The following MAML3 variants were observed in gnomAD, a reference collection of about 807,000 sequenced individuals.
The protein encoded by MAML3 is mastermind-like protein 3.
Under a neutral mutation model 101.9 loss-of-function variants are expected in MAML3, and 27 were observed. That is an observed-to-expected ratio of 0.27 (90% CI 0.20 to 0.37). The LOEUF (loss-of-function observed/expected upper bound fraction) is 0.37. Among genes scored for constraint, MAML3 ranks in the 10% least tolerant of loss-of-function variants. The pLI, the probability that MAML3 is intolerant of heterozygous loss-of-function variation, is 1.00. For missense variants in MAML3, 1,316 were observed against 1,444.9 expected, an observed-to-expected ratio of 0.91 and a Z score of 1.45; for synonymous variants, 501 against 555.9, an observed-to-expected ratio of 0.90 and a Z score of 1.39.
At chr4:139,867,192 A>G (rs1731913598) in intron 2 of MAML3, among the ~76,000 whole-genome samples, 1 of 152,102 alleles carries the variant, frequency 6.6e-6, no homozygotes. Context: ...ATTGTCATGT[A>G]TTTTTTACCC....
intron 2 of MAML3, among the ~76,000 whole-genome samples, chr4:139,809,194 T>A (rs1012778242): frequency 6.6e-6 from 1 of 152,194 alleles, no homozygotes; most frequent in East Asian, 1.9e-4. Flanking sequence ...AGCTTCTCCT[T>A]TGGACTGTGG....
intron 2 of MAML3, among the ~76,000 whole-genome samples, chr4:139,790,310 C>T (rs553516544): frequency 6.1e-4 from 88 of 143,594 alleles, no homozygotes; most frequent in Admixed American, 2.5e-3. Flanking sequence ...ATATATATAC[C>T]TTGCCAAATT....
chr4:139,920,972 C>T (rs1490274028), intron 1 of MAML3, among the ~76,000 whole-genome samples: 1 of 152,218 alleles, frequency 6.6e-6, no homozygotes, highest in East Asian at 1.9e-4. Context: ...GCTCCACTCA[C>T]ACCAACATGG....
At chr4:139,860,512 C>G (rs576476587) in intron 2 of MAML3, among the ~76,000 whole-genome samples, 1 of 152,284 alleles carries the variant, frequency 6.6e-6, no homozygotes, top group African/African-American at 2.4e-5. Flanking sequence ...CTTTGTTTTC[C>G]CACAAAATGA....
At chr4:139,884,882 A>G (rs1732295803) in intron 2 of MAML3, among the ~76,000 whole-genome samples, 1 of 152,270 alleles carries the variant, frequency 6.6e-6, no homozygotes, top group South Asian at 2.1e-4. Flanking sequence ...TTTAAGACAC[A>G]GTGCTAGGCA....
At position 140,153,452 on chromosome 4, in the gene MAML3, G is replaced by T; in HGVS notation, c.-125C>A. 2 of 946,194 alleles carry T rather than the reference G, an allele frequency of 2.1e-6. No homozygotes were observed. The highest frequency in any genetic ancestry group is 2.7e-6 in the Non-Finnish European group (2 of 730,660). The allele number at this position is 946,194 out of a possible 1,614,324, so 58.6% of individuals were successfully genotyped here. A position where few individuals can be genotyped will look rare whatever the true frequency, so the allele number is the denominator to read the frequency against. On this transcript the variant is annotated 5_prime_UTR_variant, in exon 1 of 5. Transcript: ENST00000509479. ...CGGGGGAGACGCAAGCACATGGATG[G>T]AAACGGCGATCCCGACGGGGCGAAA...
chr4:139,827,995 G>T (rs1025476454), intron 2 of MAML3, among the ~76,000 whole-genome samples: 1 of 152,198 alleles, frequency 6.6e-6, no homozygotes, highest in Non-Finnish European at 1.5e-5. Flanking sequence ...GCATCATTTC[G>T]TCTTCTGATT....
intron 1 of MAML3, among the ~76,000 whole-genome samples, chr4:139,939,529 C>T (rs1733561196): frequency 1.3e-5 from 2 of 152,130 alleles, no homozygotes; most frequent in African/African-American, 4.8e-5. Context: ...TTCTCCAAAT[C>T]CAAGCTCAAA....
intron 2 of MAML3, among the ~76,000 whole-genome samples, chr4:139,775,423 C>A (rs1375595340): frequency 6.6e-6 from 1 of 152,114 alleles, no homozygotes; most frequent in Non-Finnish European, 1.5e-5. Flanking sequence ...GCTGCTGGGA[C>A]ACATTAGCTG....
At chr4:139,781,119 T>C (rs1461075385) in intron 2 of MAML3, among the ~76,000 whole-genome samples, 1 of 152,212 alleles carries the variant, frequency 6.6e-6, no homozygotes, top group Non-Finnish European at 1.5e-5. Flanking sequence ...GTTGCTTGAA[T>C]TGTGTATTAT....
chr4:139,792,677 T>C (rs1008028658), intron 2 of MAML3, among the ~76,000 whole-genome samples: 1 of 152,164 alleles, frequency 6.6e-6, no homozygotes, highest in African/African-American at 2.4e-5. Flanking sequence ...TTCAAAGCTA[T>C]TAATACTGTT....
At chr4:139,908,277 C>T (rs1384763810) in intron 1 of MAML3, among the ~76,000 whole-genome samples, 1 of 152,152 alleles carries the variant, frequency 6.6e-6, no homozygotes, top group African/African-American at 2.4e-5. Flanking sequence ...AAATATGTAA[C>T]TAATTCCTGA....
chr4:139,902,788 T>C (rs559011296), intron 1 of MAML3, among the ~76,000 whole-genome samples: 1 of 152,298 alleles, frequency 6.6e-6, no homozygotes, highest in East Asian at 1.9e-4. Context: ...GTCAGAGTCA[T>C]TTACACAGCC....
chr4:140,055,303 A>ATCT (rs1295587828), intron 1 of MAML3, among the ~76,000 whole-genome samples: 4 of 152,208 alleles, frequency 2.6e-5, no homozygotes, highest in Non-Finnish European at 5.9e-5. Flanking sequence ...GGTATTAATT[A>ATCT]GTTTGTTTTA....
At chr4:140,140,785 T>C (rs765279966) in intron 1 of MAML3, among the ~76,000 whole-genome samples, 7 of 152,164 alleles carry the variant, frequency 4.6e-5, no homozygotes, top group Non-Finnish European at 1.0e-4. Flanking sequence ...CCAGGTCCTA[T>C]TGTCACTGTC....
At position 140,088,222 on chromosome 4, in the gene MAML3, G is replaced by T. The variant is rs541433432; in HGVS notation, c.468+64638C>A. Reference sequence around the variant, plus strand: ...AAAAAAGTGTGATGGGAGGGAGGAAGGGAGGGAGGACGGGAGGGAGGGAAA... The same window carrying T: ...AAAAAAGTGTGATGGGAGGGAGGAATGGAGGGAGGACGGGAGGGAGGGAAA... On this transcript the variant is annotated intron_variant, in intron 1 of 4. Transcript: ENST00000509479. Among the ~76,000 whole-genome samples the T allele has an allele frequency of 2.0e-5, 3 of 152,108 alleles. No individual in the cohort carries two copies. In the South Asian group the frequency reaches 6.2e-4, roughly 32 times the overall value.
chr4:139,900,633 C>T (rs568674352), intron 1 of MAML3, among the ~76,000 whole-genome samples: 6 of 152,308 alleles, frequency 3.9e-5, no homozygotes, highest in East Asian at 1.9e-4. Context: ...AAACTCTATA[C>T]GTGCAGTTTA....
At position 140,125,624 on chromosome 4, in the gene MAML3, CTTTG is replaced by C. The variant is rs553126349; in HGVS notation, c.468+27232_468+27235del. On this transcript the variant is annotated intron_variant, in intron 1 of 4. Coordinates refer to ENST00000509479, the MANE Select transcript of MAML3 (RefSeq NM_018717.5). ...GAAGGTACAGGTTTTTTGTCTGTCT[CTTTG>C]TTTGTTTTGTAGAGAGACAGGGTCT... 2.6e-3 allele frequency among the ~76,000 whole-genome samples: 396 copies of C among 152,198 alleles called. 4 individuals carry two copies. The highest frequency in any genetic ancestry group is 0.024 in the Middle Eastern group (7 of 294).
At chr4:139,955,005 C>T (rs568241262) in intron 1 of MAML3, among the ~76,000 whole-genome samples, 120 of 151,930 alleles carry the variant, frequency 7.9e-4, no homozygotes, top group Middle Eastern at 6.8e-3. Context: ...TTTTTAAAAG[C>T]AGGAGAAATG....
Sources: gnomAD v4.1 joint callset for allele counts (sites outside exome capture counted in the v4.1 genomes callset) on GRCh38, gnomAD v4.1.1 for gene constraint, MANE v1.5 for transcripts, NCBI Gene and HGNC (gene_info 2026-07-23, HGNC 2026-07-21) for gene names.